MAPRE2: variants seen among roughly 807,000 people sequenced by gnomAD.
The protein encoded by MAPRE2 is microtubule associated protein RP/EB family member 2.
A neutral mutation model predicts 43.2 loss-of-function variants in MAPRE2; 13 were observed. The observed-to-expected ratio is 0.30, with a 90% CI of 0.20 to 0.48. The LOEUF (loss-of-function observed/expected upper bound fraction) is 0.48. Among genes scored for constraint, MAPRE2 ranks in the 20% least tolerant of loss-of-function variants. The pLI is 0.99. For missense variants in MAPRE2, 161 were observed against 400.2 expected, an observed-to-expected ratio of 0.40 and a Z score of 5.10; for synonymous variants, 135 against 148.8, an observed-to-expected ratio of 0.91 and a Z score of 0.68.
At chr18:35,104,824 G>A (rs771779318) in intron 4 of MAPRE2, among the ~76,000 whole-genome samples, 1 of 152,030 alleles carries the variant, frequency 6.6e-6, no homozygotes, top group Admixed American at 6.6e-5. Context: ...GAGGTATGTC[G>A]GGTGGGAGGA....
intron 1 of MAPRE2, among the ~76,000 whole-genome samples, chr18:34,993,997 T>C (rs865790256): frequency 3.4e-4 from 31 of 92,496 alleles, no homozygotes; most frequent in South Asian, 1.0e-3. Context: ...ATTTTCTTTT[T>C]TTTTTTTTTT....
chr18:35,017,439 A>T lies in MAPRE2; in HGVS notation c.-8+11886A>T, dbSNP rs1466473732. On this transcript the variant is annotated intron_variant, in intron 2 of 7. Transcript: ENST00000413393. ...ATATTGATTCTTCCAATCCATGAGCATGGAATGTTTTCCATTTGTTTGTGT... is the reference window on the plus strand; with the variant it reads ...ATATTGATTCTTCCAATCCATGAGCTTGGAATGTTTTCCATTTGTTTGTGT... Among the ~76,000 whole-genome samples the T allele has an allele frequency of 5.9e-5, 9 of 152,050 alleles. No individual in the cohort carries two copies. In the South Asian group the frequency reaches 1.9e-3, roughly 31 times the overall value.
At chr18:35,057,925 A>G (rs1906321511) in intron 1 of MAPRE2, among the ~76,000 whole-genome samples, 1 of 152,340 alleles carries the variant, frequency 6.6e-6, no homozygotes, top group East Asian at 1.9e-4. Flanking sequence ...ATCTTAGCTC[A>G]GCTGTAGCAA....
At chr18:35,112,842 A>G (rs1298153276) in intron 4 of MAPRE2, among the ~76,000 whole-genome samples, 1 of 152,244 alleles carries the variant, frequency 6.6e-6, no homozygotes, top group Admixed American at 6.5e-5. Flanking sequence ...CTTTGTATAA[A>G]CAACAGAAAT....
intron 3 of MAPRE2, among the ~76,000 whole-genome samples, chr18:35,098,915 G>T (rs1908548811): frequency 6.6e-6 from 1 of 152,206 alleles, no homozygotes; most frequent in Admixed American, 6.5e-5. Flanking sequence ...GCCTTTGTTA[G>T]CCTTTCTAGC....
At chr18:35,124,137 G>C (rs1347671649) in intron 4 of MAPRE2, among the ~76,000 whole-genome samples, 1 of 152,118 alleles carries the variant, frequency 6.6e-6, no homozygotes, top group East Asian at 1.9e-4. Context: ...AAGAAAAGAG[G>C]TTTAATTGAC....
chr18:35,096,170 C>G (rs1344488090), intron 2 of MAPRE2, among the ~76,000 whole-genome samples: 1 of 151,940 alleles, frequency 6.6e-6, no homozygotes, highest in Non-Finnish European at 1.5e-5. Flanking sequence ...AGTGAGTCAC[C>G]CAAGTAGAAG....
At chr18:35,121,704 T>C (rs948080216) in intron 4 of MAPRE2, among the ~76,000 whole-genome samples, 2 of 152,210 alleles carry the variant, frequency 1.3e-5, no homozygotes, top group African/African-American at 2.4e-5. Flanking sequence ...TGTAAATGTT[T>C]TCCACATAAG....
At chr18:35,096,369 AG>A (rs1160499188) in intron 2 of MAPRE2, among the ~76,000 whole-genome samples, 11 of 152,218 alleles carry the variant, frequency 7.2e-5, no homozygotes, top group African/African-American at 2.7e-4. Flanking sequence ...GTAAAAGAAA[AG>A]GAATCATTCT....
In MAPRE2 at chr18:35,138,435, G is replaced by A. The variant is rs1232182985; in HGVS notation, c.910-1860G>A. On this transcript the variant is annotated intron_variant, in intron 6 of 6. Transcript: ENST00000300249. ...TGCTGAATAAGGGGCCTGTCGGCAC[G>A]GTAAGAGACAATGCCAGATTTTTCC... Among the ~76,000 whole-genome samples the A allele has an allele frequency of 2.6e-5, 4 of 152,104 alleles. No homozygotes were observed. The East Asian group carries it at 7.7e-4, about 29-fold the overall frequency.
intron 2 of MAPRE2, among the ~76,000 whole-genome samples, chr18:35,084,536 A>G (rs1213087584): frequency 6.6e-6 from 1 of 152,182 alleles, no homozygotes; most frequent in Non-Finnish European, 1.5e-5. Context: ...TGCCTGAATG[A>G]TTATTACTAG....
At chr18:35,100,339 A>T (rs189275976) in intron 3 of MAPRE2, among the ~76,000 whole-genome samples, 1 of 152,352 alleles carries the variant, frequency 6.6e-6, no homozygotes, top group Admixed American at 6.5e-5. Context: ...GTGAGGTTGT[A>T]GAGAAAAGGG....
intron 2 of MAPRE2, among the ~76,000 whole-genome samples, chr18:35,023,339 C>T (rs759346600): frequency 1.8e-4 from 27 of 151,640 alleles, no homozygotes; most frequent in African/African-American, 5.6e-4. Flanking sequence ...TGTGAAACCC[C>T]GTCTCTACTA....
intron 2 of MAPRE2, among the ~76,000 whole-genome samples, chr18:35,096,988 T>C (rs1027700980): frequency 6.6e-6 from 1 of 152,226 alleles, no homozygotes. Context: ...GAGCTACACA[T>C]TTCATGAGAA....
intron 1 of MAPRE2, among the ~76,000 whole-genome samples, chr18:35,064,192 C>T (rs1298804077): frequency 8.1e-6 from 1 of 123,704 alleles, no homozygotes; most frequent in Non-Finnish European, 1.5e-5. Flanking sequence ...AGCAAAGCCT[C>T]ATTTCAAAAA....
chr18:35,048,985 T>G (rs546633170), intron 1 of MAPRE2, among the ~76,000 whole-genome samples: 1 of 152,186 alleles, frequency 6.6e-6, no homozygotes, highest in East Asian at 1.9e-4. Flanking sequence ...ATGGTGCTGT[T>G]GATGTGAGAC....
rs1407312881 is a variant in MAPRE2, at chr18:35,140,542, A to G, written c.*173A>G. On this transcript the variant is annotated 3_prime_UTR_variant, in exon 7 of 7. Transcript: ENST00000300249. ...CGCTTGGTTCCCATTTTCTTTGCCA[A>G]GGTGTATTAGCGGACGGCCCTCTGG... The G allele has an allele frequency of 7.5e-6, 5 of 668,412 alleles. No homozygotes were observed. In the East Asian group the frequency reaches 1.4e-4, roughly 18 times the overall value. 41.4% of individuals were successfully genotyped at this position (668,412 alleles called of 1,614,324 possible).
intron 2 of MAPRE2, among the ~76,000 whole-genome samples, chr18:35,007,702 C>T (rs1286041246): frequency 1.3e-5 from 2 of 152,214 alleles, no homozygotes; most frequent in Non-Finnish European, 2.9e-5. Context: ...TCATTAGTCC[C>T]TCTCCCTTCT....
chr18:35,114,895 T>G (rs1219081546), intron 4 of MAPRE2, among the ~76,000 whole-genome samples: 2 of 152,246 alleles, frequency 1.3e-5, no homozygotes, highest in African/African-American at 4.8e-5. Context: ...TATCAGATTT[T>G]ACTTCTCAGC....
Sources: gnomAD v4.1 joint callset for allele counts (sites outside exome capture counted in the v4.1 genomes callset) on GRCh38, gnomAD v4.1.1 for gene constraint, MANE v1.5 for transcripts, NCBI Gene and HGNC (gene_info 2026-07-23, HGNC 2026-07-21) for gene names.